TTN: variants seen among roughly 807,000 people sequenced by gnomAD.
TTN encodes the protein connectin.
A neutral mutation model predicts 3,223.0 loss-of-function variants in TTN; 1,525 were observed. The ratio of observed to expected loss-of-function variants is 0.47; its 90% CI spans 0.45 to 0.49. The LOEUF (loss-of-function observed/expected upper bound fraction) is 0.49. TTN is among the 20% of genes least tolerant of loss of function. The pLI, the probability that TTN is intolerant of heterozygous loss-of-function variation, is 0.00. For synonymous variants in TTN, 14,094 were observed against 15,161.0 expected (o/e 0.93, Z 5.17); for missense variants, 40,786 against 43,424.0 (o/e 0.94, Z 5.40).
Position 178,564,744 on chromosome 2 carries a change from T to C in TTN, c.81388A>G (p.Thr27130Ala), listed in dbSNP as rs1458266524. ...TCAAGCCCAGTTGTTTTGAATTTGGTGTCCTGAATGGGGGTCTTATTTAAC... is the reference window on the plus strand; with the variant it reads ...TCAAGCCCAGTTGTTTTGAATTTGGCGTCCTGAATGGGGGTCTTATTTAAC... ...VKLNKTPIQD[T>A]KFKTTGLDEG... The change falls in exon 326 of 363, where the codon ACC becomes GCC. Residue 27130 changes from threonine to alanine, a missense_variant. Transcript: ENST00000589042. The C allele has an allele frequency of 1.2e-6, 2 of 1,612,924 alleles. No homozygotes were observed. The highest frequency in any genetic ancestry group is 1.7e-6 in the Non-Finnish European group (2 of 1,179,396).
In TTN at chr2:178,770,425, T is replaced by C; in HGVS notation, c.8367A>G (p.Arg2789=). ...FRLGRLGASA[R]LHVETVKIIK... ...AAATCAACTTACTCTCCACGTGCAGTCTGGCACTGGCTCCAAGCCTTCCAA... is the reference window on the plus strand; with the variant it reads ...AAATCAACTTACTCTCCACGTGCAGCCTGGCACTGGCTCCAAGCCTTCCAA... Residue 2789 remains arginine, a synonymous_variant, in exon 35 of 363, where the codon AGA becomes AGG. Transcript: ENST00000589042. 6.2e-7 allele frequency: 1 copy of C among 1,614,168 alleles called. No homozygotes were observed. The highest frequency in any genetic ancestry group is 8.5e-7 in the Non-Finnish European group (1 of 1,180,020).
chr2:178,545,800 T>A lies in TTN; in HGVS notation c.95416+20A>T. 6.2e-7 allele frequency: 1 copy of A among 1,607,070 alleles called. No homozygotes were observed. The highest frequency in any genetic ancestry group is 8.5e-7 in the Non-Finnish European group (1 of 1,174,644). ...TATTACATTTCAACTGTCAAATTAT[T>A]TAAAAGTGTTAATACTTACTGAATG... On this transcript the variant is annotated intron_variant, in intron 343 of 362. Transcript: ENST00000589042.
intron 91 of TTN, 50 bp from the exon 92 acceptor site, chr2:178,714,225 C>T (rs1213418311): frequency 6.3e-7 from 1 of 1,590,020 alleles, no homozygotes; most frequent in Non-Finnish European, 8.6e-7. Context: ...AATTGAAAAA[C>T]TAAAGAAAAT....
Position 178,794,434 on chromosome 2 carries a change from T to C in TTN, c.1363A>G (p.Thr455Ala), listed in dbSNP as rs1405046691. The change falls in exon 8 of 363, where the codon ACG becomes GCG. Residue 455 changes from threonine (T) to alanine (A), a missense_variant. By Grantham distance (58) the Thr-to-Ala change is moderately conservative. Coordinates refer to ENST00000589042, the MANE Select transcript of TTN (RefSeq NM_001267550.2). ...AVEQTAQRTT[T>A]TAVHIQPAQE... ...GCAGGTTGGATGTGCACAGCAGTCG[T>C]GGTTGTCCTCTGAGCAGTCTGCTCT... The C allele has an allele frequency of 6.8e-6, 11 of 1,614,080 alleles. No individual in the cohort carries two copies. Among genetic ancestry groups the C allele is most frequent in the Admixed American group, 3.3e-5 (2 of 60,008 alleles).
intron 223 of TTN, among the ~76,000 whole-genome samples, chr2:178,639,268 C>G (rs1476535132): frequency 1.3e-5 from 2 of 151,984 alleles, no homozygotes; most frequent in Admixed American, 6.6e-5. Flanking sequence ...TCAACACTAT[C>G]CATTTCCAGA....
At chr2:178,668,308 CAAT>C (rs2066328199) in intron 159 of TTN, among the ~76,000 whole-genome samples, 1 of 152,006 alleles carries the variant, frequency 6.6e-6, no homozygotes, top group African/African-American at 2.4e-5. Flanking sequence ...TGTCTGAAAA[CAAT>C]AACTAAAGTC....
chr2:178,681,281 C>G, intron 137 of TTN, 95 bp downstream of exon 137: 1 of 1,437,426 alleles, frequency 7.0e-7, no homozygotes, highest in Non-Finnish European at 9.6e-7. Flanking sequence ...ACATCCTACT[C>G]AGCAAAAACA....
At position 178,719,684 on chromosome 2, in the gene TTN, G is replaced by A. The variant is rs781296281; in HGVS notation, c.23808C>T (p.His7936=). The A allele has an allele frequency of 7.4e-6, 12 of 1,613,628 alleles. No homozygotes were observed. The highest frequency in any genetic ancestry group is 2.2e-5 in the East Asian group (1 of 44,860). ...GRELSADSKH[H]ITFINKVASL... The stretch of plus-strand genomic sequence containing the variant: ...AAGCCACTTTATTGATGAATGTAAT[G>A]TGATGTTTGCTGTCTGCAGACAATT... The change falls in exon 82 of 363, where the codon CAC becomes CAT. Residue 7936 remains histidine (H), a synonymous_variant. Transcript: ENST00000589042.
At position 178,718,359 on chromosome 2, in the gene TTN, A is replaced by T. The variant is rs758207096; in HGVS notation, c.24747T>A (p.Ala8249=). The change falls in exon 85 of 363, where the codon GCT becomes GCA. Residue 8249 remains alanine, a synonymous_variant. Coordinates refer to ENST00000589042, the MANE Select transcript of TTN (RefSeq NM_001267550.2). ...AQYSCLIENE[A]GQDICEALVS... Reference sequence around the variant, plus strand: ...CCAGAGCTTCACAGATATCTTGACCAGCCTCATTTTCTATCAGGCAGCTGT... The same window carrying T: ...CCAGAGCTTCACAGATATCTTGACCTGCCTCATTTTCTATCAGGCAGCTGT... 4 of 1,613,742 alleles carry T rather than the reference A, an allele frequency of 2.5e-6. No individual in the cohort carries two copies. In the South Asian group the frequency reaches 4.4e-5, roughly 18 times the overall value.
At position 178,757,683 on chromosome 2, in the gene TTN, A is replaced by C. The variant is rs771751290; in HGVS notation, c.10537T>G (p.Phe3513Val). 1 of 1,613,744 alleles carries C rather than the reference A, an allele frequency of 6.2e-7. No individual in the cohort carries two copies. The highest frequency in any genetic ancestry group is 1.3e-5 in the African/African-American group (1 of 74,904). ...QLILPTKDVV[F>V]HFEESTGMAL... ...ATGCCTGTGGACTCCTCAAAATGGA[A>C]AACTACATCTTTTGTTGGTAGAATT... The change falls in exon 45 of 363, where the codon TTC (phenylalanine) becomes GTC (valine). Residue 3513 changes from phenylalanine to valine, a missense_variant. Physicochemically the swap from Phe to Val is conservative, Grantham distance 50. Transcript: ENST00000589042.
chr2:178,614,405 T>C (rs1170878171), intron 261 of TTN, 57 bp from the exon 262 acceptor site: 1 of 1,578,772 alleles, frequency 6.3e-7, no homozygotes, highest in Non-Finnish European at 8.6e-7. Flanking sequence ...TTTTTATTTT[T>C]TTCTTTCAAG....
intron 99 of TTN, 49 bp downstream of exon 99, chr2:178,709,517 C>G (rs1371880910): frequency 6.4e-7 from 1 of 1,555,266 alleles, no homozygotes; most frequent in African/African-American, 1.4e-5. Context: ...GGATATATAA[C>G]AGGCAGTGAA....
Position 178,652,328 on chromosome 2 carries a change from T to A in TTN, c.39147A>T (p.Glu13049Asp). 2 of 1,613,440 alleles carry A rather than the reference T, an allele frequency of 1.2e-6. No homozygotes were observed. The highest frequency in any genetic ancestry group is 1.7e-6 in the Non-Finnish European group (2 of 1,179,628). ...CTGGCACTTTCTTTTCAGGAACAAC[T>A]TCTTTGGGAGCCTCAGGCACTTGAA... ...TPVKVPEAPK[E>D]VVPEKKVPVP... is the part of the protein sequence containing the mutation. Residue 13049 changes from glutamate to aspartate, a missense_variant, in exon 203 of 363, where the codon GAA becomes GAT. Glu to Asp is a conservative substitution (Grantham distance 45, BLOSUM62 2). Transcript: ENST00000589042.
Position 178,555,337 on chromosome 2 carries a change from G to T in TTN, c.88307-185C>A, listed in dbSNP as rs1031266150. 10 of 591,030 alleles carry T rather than the reference G, an allele frequency of 1.7e-5. 1 individual carries two copies. In the South Asian group the frequency reaches 2.2e-4, roughly 13 times the overall value. The allele number at this position is 591,030 out of a possible 1,614,324, so 36.6% of individuals were successfully genotyped here. A position where few individuals can be genotyped will look rare whatever the true frequency, so the allele number is the denominator to read the frequency against. On this transcript the variant is annotated intron_variant, in intron 330 of 362. Coordinates refer to ENST00000589042, the MANE Select transcript of TTN (RefSeq NM_001267550.2). The stretch of plus-strand genomic sequence containing the variant: ...AGGCCACTCTTCTATCTCAGATGGG[G>T]TAGAAAGACTGTGAGTTGTGCAGGG...
rs794727816 is a variant in TTN, at chr2:178,729,865, T to A, written c.18388A>T (p.Thr6130Ser). 1.9e-6 allele frequency: 3 copies of A among 1,613,614 alleles called. No homozygotes were observed. Among genetic ancestry groups the A allele is most frequent in the Non-Finnish European group, 1.7e-6 (2 of 1,179,708 alleles). ...GQSTTFECQITGTPKIRVSWY... is the reference protein window; with the variant it reads ...GQSTTFECQISGTPKIRVSWY... ...GACACTCGGATTTTAGGAGTGCCTG[T>A]TATTTGGCATTCAAATGTTGTTGAC... is the stretch of plus-strand genomic sequence containing the variant. The change falls in exon 63 of 363, where the codon ACA becomes TCA. Residue 6130 changes from threonine (T) to serine (S), a missense_variant. By Grantham distance (58) the Thr-to-Ser change is moderately conservative. Transcript: ENST00000589042.
At chr2:178,764,870 CA>C in intron 41 of TTN, 59 bp from the exon 42 acceptor site, 9 of 1,592,846 alleles carry the variant, frequency 5.7e-6, no homozygotes, top group Non-Finnish European at 6.9e-6. Flanking sequence ...AGAGAGCATG[CA>C]AAACTCTACA....
Position 178,550,980 on chromosome 2 carries a change from T to G in TTN, c.91551A>C (p.Thr30517=). ...GTAAATGCTTACCATTTTCATCTCTTGTCATAATAATGCCAGAAGACTGTG... is the reference window on the plus strand; with the variant it reads ...GTAAATGCTTACCATTTTCATCTCTGGTCATAATAATGCCAGAAGACTGTG... ...PPSQSSGIIM[T]RDENVPPIVE... The change falls in exon 336 of 363, where the codon ACA becomes ACC. Residue 30517 remains threonine, a synonymous_variant. Coordinates refer to ENST00000589042, the MANE Select transcript of TTN (RefSeq NM_001267550.2). 6.2e-7 allele frequency: 1 copy of G among 1,612,906 alleles called. No individual in the cohort carries two copies. Among genetic ancestry groups the G allele is most frequent in the Non-Finnish European group, 8.5e-7 (1 of 1,179,500 alleles).
chr2:178,720,331 G>A, intron 80 of TTN, 54 bp downstream of exon 80: 1 of 1,591,418 alleles, frequency 6.3e-7, no homozygotes, highest in East Asian at 2.2e-5. Context: ...TTATTAGTTA[G>A]GCAAGAACAG....
intron 29 of TTN, chr2:178,774,706 G>T: frequency 1.4e-6 from 1 of 710,764 alleles, no homozygotes; most frequent in African/African-American, 1.8e-5. Flanking sequence ...AAACTTAAAA[G>T]CTAAAAATCA....
Sources: allele counts gnomAD v4.1 joint callset (sites outside exome capture counted in the v4.1 genomes callset), GRCh38; gene constraint gnomAD v4.1.1; transcripts MANE v1.5; gene names NCBI Gene and HGNC (gene_info 2026-07-23, HGNC 2026-07-21).